CYP3A5: variants seen among roughly 807,000 people sequenced by gnomAD.
The protein encoded by CYP3A5 is cytochrome P450 3A5.
CYP3A5 carries 51 observed loss-of-function variants against 55.9 expected under a neutral mutation model. The observed-to-expected ratio is 0.91, with a 90% CI of 0.73 to 1.15. CYP3A5 has a LOEUF of 1.15. CYP3A5 is among the 50% of genes most tolerant of loss of function. The pLI, the probability that CYP3A5 is intolerant of heterozygous loss-of-function variation, is 0.00. For synonymous variants in CYP3A5, 196 were observed against 213.9 expected (o/e 0.92, Z 0.73); for missense variants, 533 against 596.6 (o/e 0.89, Z 1.11).
At chr7:99,674,742 C>A (rs567625832) in intron 2 of CYP3A5, among the ~76,000 whole-genome samples, 157 bp from the exon 3 acceptor site, 2 of 152,188 alleles carry the variant, frequency 1.3e-5, no homozygotes, top group Non-Finnish European at 2.9e-5. Context: ...AAGGGAAAGA[C>A]AAGAAAACAG....
intron 1 of CYP3A5, among the ~76,000 whole-genome samples, chr7:99,677,920 A>G (rs988378448): frequency 1.1e-4 from 16 of 152,256 alleles, no homozygotes; most frequent in African/African-American, 3.9e-4. Flanking sequence ...GTGAGTGTCT[A>G]GATTCACATG....
chr7:99,666,606 C>A lies in CYP3A5; in HGVS notation c.516G>T (p.Leu172Phe). Reference protein sequence around the residue: ...REAEKGKPVTLKDIFGAYSMD... With the variant: ...REAEKGKPVTFKDIFGAYSMD... Reference sequence around the variant, plus strand: ...ATGGCTGTGCTCCTACTTACTCTTTCAAGGTGACAGGCTTGCCTTTCTCTG... The same window carrying A: ...ATGGCTGTGCTCCTACTTACTCTTTAAAGGTGACAGGCTTGCCTTTCTCTG... The change falls in exon 6 of 13, where the codon TTG (leucine) becomes TTT (phenylalanine). Residue 172 changes from leucine to phenylalanine, a missense_variant. Coordinates refer to ENST00000222982, the MANE Select transcript of CYP3A5 (RefSeq NM_000777.5). 1 of 1,613,774 alleles carries A rather than the reference C, an allele frequency of 6.2e-7. No individual in the cohort carries two copies. The highest frequency in any genetic ancestry group is 8.5e-7 in the Non-Finnish European group (1 of 1,179,756).
In CYP3A5 at chr7:99,660,619, G is replaced by A. The variant is rs747630530; in HGVS notation, c.906C>T (p.Phe302=). The change falls in exon 10 of 13, where the codon TTC becomes TTT. Residue 302 remains phenylalanine, a synonymous_variant. Transcript: ENST00000222982. ...DLELAAQSII[F]IFAGYETTSS... ...TGGTGGTTTCATAGCCAGCAAAAAT[G>A]AAGATTATTGACTGGGCTGCGAGCT... 6.2e-7 allele frequency: 1 copy of A among 1,613,998 alleles called. No individual in the cohort carries two copies. Among genetic ancestry groups the A allele is most frequent in the Non-Finnish European group, 8.5e-7 (1 of 1,179,936 alleles).
In CYP3A5 at chr7:99,660,412, T is replaced by G. The variant is rs1026269728; in HGVS notation, c.1026+87A>C. 2.7e-6 allele frequency: 4 copies of G among 1,491,558 alleles called. No homozygotes were observed. In the South Asian group the frequency reaches 4.1e-5, roughly 15 times the overall value. 92.4% of individuals were successfully genotyped at this position (1,491,558 alleles called of 1,614,324 possible). ...GTGAAGGAATCAGTGATTATGCTTT[T>G]TATAAAAATTCTCCTGGGGAGTGGT... On this transcript the variant is annotated intron_variant, in intron 10 of 12. Transcript: ENST00000222982.
intron 7 of CYP3A5, among the ~76,000 whole-genome samples, chr7:99,664,778 A>T (rs1033140099): frequency 1.3e-5 from 2 of 152,250 alleles, no homozygotes; most frequent in Non-Finnish European, 2.9e-5. Flanking sequence ...TAAAAGAAGA[A>T]GAGCAAATGA....
chr7:99,675,816 T>G (rs1812217445), intron 2 of CYP3A5, among the ~76,000 whole-genome samples: 2 of 148,376 alleles, frequency 1.3e-5, no homozygotes, highest in Admixed American at 1.4e-4. Context: ...ACCTTAACAT[T>G]CAGAGTAGCT....
chr7:99,679,715 C>G (rs1215432881), intron 1 of CYP3A5, 111 bp downstream of exon 1: 10 of 1,000,632 alleles, frequency 1.0e-5, no homozygotes, highest in Non-Finnish European at 1.4e-5. Context: ...AACACTTCAG[C>G]TACTTCTCCT....
At chr7:99,649,592 T>G (rs1808967456) in intron 12 of CYP3A5, among the ~76,000 whole-genome samples, 1 of 152,174 alleles carries the variant, frequency 6.6e-6, no homozygotes, top group Admixed American at 6.5e-5. Context: ...TGACAGAACC[T>G]AGTCACGCTC....
intron 10 of CYP3A5, among the ~76,000 whole-genome samples, chr7:99,654,096 T>TA (rs1450781967): frequency 3.3e-5 from 5 of 152,150 alleles, no homozygotes; most frequent in Non-Finnish European, 7.3e-5. Context: ...TTTTTTTTTT[T>TA]ATACTTTAAG....
At chr7:99,648,480 T>A in intron 12 of CYP3A5, 80 bp from the exon 13 acceptor site, 2 of 1,157,208 alleles carry the variant, frequency 1.7e-6, no homozygotes, top group Admixed American at 2.2e-5. Context: ...AGAAAAAATA[T>A]GACAAAAATG....
chr7:99,661,440 T>C (rs372760067), intron 9 of CYP3A5, among the ~76,000 whole-genome samples: 1 of 152,176 alleles, frequency 6.6e-6, no homozygotes, highest in African/African-American at 2.4e-5. Flanking sequence ...ACAGCAGAGA[T>C]AGACAAAAAG....
At chr7:99,679,414 T>G (rs1024322179) in intron 1 of CYP3A5, among the ~76,000 whole-genome samples, 5 of 152,100 alleles carry the variant, frequency 3.3e-5, no homozygotes, top group Non-Finnish European at 7.4e-5. Context: ...AGAAAGCGAA[T>G]TAATGAGACA....
At position 99,662,051 on chromosome 7, in the gene CYP3A5, A is replaced by AT. The variant is rs1810501615; in HGVS notation, c.865+764dup. 6.6e-6 allele frequency among the ~76,000 whole-genome samples: 1 copy of AT among 152,192 alleles called. No individual in the cohort carries two copies. Among genetic ancestry groups the AT allele is most frequent in the Non-Finnish European group, 1.5e-5 (1 of 68,020 alleles). On this transcript the variant is annotated intron_variant, in intron 9 of 12. Coordinates refer to ENST00000222982, the MANE Select transcript of CYP3A5 (RefSeq NM_000777.5). This position sits in a 1 kb window ranked among gnomAD's most constrained non-coding sequence, Gnocchi z 4.3. ...TTTTGTTGAGATAGATAGATGATTA[A>AT]TTGATAAATTATAGGCAGATAGATG...
At chr7:99,648,741 C>G (rs1808868355) in intron 12 of CYP3A5, among the ~76,000 whole-genome samples, 2 of 151,588 alleles carry the variant, frequency 1.3e-5, no homozygotes. Flanking sequence ...GGTATTATGG[C>G]AAACTATTTT....
intron 4 of CYP3A5, among the ~76,000 whole-genome samples, chr7:99,672,139 C>A (rs758117178): frequency 6.6e-6 from 1 of 152,098 alleles, no homozygotes; most frequent in Non-Finnish European, 1.5e-5. Context: ...GCAACCTCCG[C>A]CTCCCAGGTT....
intron 10 of CYP3A5, among the ~76,000 whole-genome samples, chr7:99,656,996 A>G (rs528593457): frequency 6.6e-6 from 1 of 152,116 alleles, no homozygotes; most frequent in East Asian, 1.9e-4. Flanking sequence ...TCTTGCTAGC[A>G]TTCTATCAAT....
Position 99,665,263 on chromosome 7 carries a change from C to T in CYP3A5, c.573G>A (p.Val191=), listed in dbSNP as rs755536718. 1.9e-6 allele frequency: 3 copies of T among 1,614,150 alleles called. No homozygotes were observed. Among genetic ancestry groups the T allele is most frequent in the Non-Finnish European group, 2.5e-6 (3 of 1,179,984 alleles). The change falls in exon 7 of 13, where the codon GTG becomes GTA. Residue 191 remains valine, a synonymous_variant. Coordinates refer to ENST00000222982, the MANE Select transcript of CYP3A5 (RefSeq NM_000777.5). ...MDVITGTSFG[V]NIDSLNNPQD... ...GTGGATTGTTGAGAGAGTCGATGTT[C>T]ACTCCAAATGATGTGCCAGTAATCA... is the stretch of plus-strand genomic sequence containing the variant.
At chr7:99,655,363 A>G (rs1809604345) in intron 10 of CYP3A5, among the ~76,000 whole-genome samples, 1 of 152,134 alleles carries the variant, frequency 6.6e-6, no homozygotes, top group African/African-American at 2.4e-5. Context: ...TGTTTTTGTC[A>G]GGTTTGTCAA....
intron 1 of CYP3A5, chr7:99,677,156 A>G: frequency 1.0e-6 from 1 of 985,250 alleles, no homozygotes. Flanking sequence ...CTCATCTTTC[A>G]TGAGTCATGT....
Sources: gnomAD v4.1 joint callset for allele counts (sites outside exome capture counted in the v4.1 genomes callset) on GRCh38, gnomAD v4.1.1 for gene constraint, Gnocchi (gnomAD v3.1) non-coding constraint, MANE v1.5 for transcripts, NCBI Gene and HGNC (gene_info 2026-07-23, HGNC 2026-07-21) for gene names.